XRCC4: variants seen among roughly 807,000 people sequenced by gnomAD.
XRCC4 encodes DNA repair protein XRCC4.
XRCC4 carries 28 observed loss-of-function variants against 39.1 expected under a neutral mutation model. The observed-to-expected ratio is 0.72, with a 90% CI of 0.53 to 0.98. The LOEUF is 0.98. Ranked by LOEUF, XRCC4 falls within the 50% of genes least tolerant of loss-of-function variation. XRCC4 has a pLI of 0.00. For missense variants in XRCC4, 350 were observed against 376.4 expected (o/e 0.93, Z 0.58); for synonymous variants, 123 against 126.4 (o/e 0.97, Z 0.18).
chr5:83,199,233 A>G (rs2112712977), intron 4 of XRCC4, among the ~76,000 whole-genome samples: 1 of 152,260 alleles, frequency 6.6e-6, no homozygotes, highest in South Asian at 2.1e-4. Flanking sequence ...ATAGCCCGTT[A>G]CAGTGTTTAA....
chr5:83,134,691 G>A (rs1465222709), intron 3 of XRCC4, among the ~76,000 whole-genome samples: 2 of 152,120 alleles, frequency 1.3e-5, no homozygotes, highest in African/African-American at 4.8e-5. Context: ...AACTCACTCG[G>A]GTACCCTTGC....
At chr5:83,321,036 C>A (rs1756055117) in intron 7 of XRCC4, among the ~76,000 whole-genome samples, 1 of 151,994 alleles carries the variant, frequency 6.6e-6, no homozygotes, top group South Asian at 2.1e-4. Flanking sequence ...GTCTGGAACT[C>A]CTGACCCTGT....
intron 1 of XRCC4, among the ~76,000 whole-genome samples, chr5:83,098,026 T>TA (rs1482990020): frequency 1.3e-5 from 2 of 152,078 alleles, no homozygotes; most frequent in African/African-American, 4.8e-5. Context: ...CTTATAGTGT[T>TA]AGAGTAGGAA....
At chr5:83,239,456 GCAAGAGAGCTACAGTGAGCAGGT>G (rs1245477257) in intron 6 of XRCC4, among the ~76,000 whole-genome samples, 3 of 152,226 alleles carry the variant, frequency 2.0e-5, no homozygotes, top group Admixed American at 6.5e-5. Context: ...TAAGGAGTGA[GCAAGAGAGCTACAGTGAGCAGGT>G]CAAGAGGGCA....
At chr5:83,219,702 A>G (rs1162610283) in intron 6 of XRCC4, among the ~76,000 whole-genome samples, 1 of 152,198 alleles carries the variant, frequency 6.6e-6, no homozygotes, top group African/African-American at 2.4e-5. Context: ...GTAAATGTAT[A>G]CTACACACTG....
At chr5:83,129,217 A>G (rs1290660221) in intron 3 of XRCC4, among the ~76,000 whole-genome samples, 1 of 143,308 alleles carries the variant, frequency 7.0e-6, no homozygotes, top group East Asian at 2.0e-4. Flanking sequence ...TCCCAGCACC[A>G]TTTATTAAAT....
At chr5:83,152,240 T>C (rs1047313059) in intron 3 of XRCC4, among the ~76,000 whole-genome samples, 5 of 152,272 alleles carry the variant, frequency 3.3e-5, no homozygotes, top group African/African-American at 1.2e-4. Context: ...GCCAAACTTT[T>C]TTAAATTAGT....
At chr5:83,178,246 A>G (rs1022245815) in intron 3 of XRCC4, among the ~76,000 whole-genome samples, 9 of 152,102 alleles carry the variant, frequency 5.9e-5, no homozygotes, top group Admixed American at 2.0e-4. Flanking sequence ...GCGACATTCA[A>G]TTGGAGACAG....
intron 7 of XRCC4, among the ~76,000 whole-genome samples, 161 bp from the exon 8 acceptor site, chr5:83,352,968 CTT>C (rs1757122765): frequency 6.6e-6 from 1 of 152,162 alleles, no homozygotes; most frequent in Admixed American, 6.5e-5. Context: ...AAATTAGTCT[CTT>C]TATCTCTTTC....
intron 3 of XRCC4, among the ~76,000 whole-genome samples, chr5:83,128,837 G>A (rs1747409990): frequency 1.3e-5 from 2 of 152,020 alleles, no homozygotes; most frequent in South Asian, 4.1e-4. Flanking sequence ...TTTTTTTCTT[G>A]TAAATCTGTT....
chr5:83,307,533 G>T (rs951353140), intron 7 of XRCC4, among the ~76,000 whole-genome samples: 1 of 152,152 alleles, frequency 6.6e-6, no homozygotes, highest in Non-Finnish European at 1.5e-5. Flanking sequence ...TAAGAGACTC[G>T]TAAGCAGAGT....
intron 7 of XRCC4, among the ~76,000 whole-genome samples, chr5:83,284,207 A>C (rs1293421790): frequency 1.3e-5 from 2 of 151,830 alleles, no homozygotes; most frequent in African/African-American, 2.4e-5. Context: ...TTTGTAGAGC[A>C]CTCTTTTCAT....
intron 3 of XRCC4, among the ~76,000 whole-genome samples, chr5:83,194,805 C>G (rs937824604): frequency 2.0e-5 from 3 of 152,120 alleles, no homozygotes; most frequent in African/African-American, 7.2e-5. Flanking sequence ...AGAAACAGCA[C>G]AACAGCATAG....
At chr5:83,334,242 A>G (rs889489897) in intron 7 of XRCC4, among the ~76,000 whole-genome samples, 1 of 152,178 alleles carries the variant, frequency 6.6e-6, no homozygotes, top group Non-Finnish European at 1.5e-5. Flanking sequence ...GTGAAAAAGC[A>G]TATATGCTAC....
Position 83,105,053 on chromosome 5 carries a change from G to C in XRCC4, c.134G>C (p.Gly45Ala), listed in dbSNP as rs1460004120. The change falls in exon 2 of 8, where the codon GGG becomes GCG. Residue 45 changes from glycine (G) to alanine (A), a missense_variant. Physicochemically the swap from Gly to Ala is moderately conservative, Grantham distance 60 (BLOSUM62 0). Coordinates refer to ENST00000396027, the MANE Select transcript of XRCC4 (RefSeq NM_003401.5). ...ACTGATGGTCATTCAGCATGGACTG[G>C]GACAGGTAATACTAAAAACAAAGTT... Reference protein sequence around the residue: ...TLTDGHSAWTGTVSESEISQE... With the variant: ...TLTDGHSAWTATVSESEISQE... 9.3e-6 allele frequency: 15 copies of C among 1,607,084 alleles called. No individual in the cohort carries two copies. Among genetic ancestry groups the C allele is most frequent in the Non-Finnish European group, 1.0e-5 (12 of 1,177,972 alleles).
Position 83,159,847 on chromosome 5 carries a change from A to C in XRCC4, c.316-35923A>C, listed in dbSNP as rs540954713. 2.6e-5 allele frequency among the ~76,000 whole-genome samples: 4 copies of C among 152,292 alleles called. No individual in the cohort carries two copies. The East Asian group carries it at 7.7e-4, about 29-fold the overall frequency. On this transcript the variant is annotated intron_variant, in intron 3 of 7. Coordinates refer to ENST00000396027, the MANE Select transcript of XRCC4 (RefSeq NM_003401.5). ...AAGATTTTACCTGTAGTCTATGGAC[A>C]CCTGACAGGATAAAAGAATACATTC...
intron 6 of XRCC4, among the ~76,000 whole-genome samples, chr5:83,218,062 T>TTATATATATATATA (rs560667796): frequency 0.019 from 2,845 of 147,474 alleles, 50 homozygotes; most frequent in East Asian, 0.073. Context: ...TTTACCTTTT[T>TTATATATATATATA]TATATATATA....
intron 6 of XRCC4, among the ~76,000 whole-genome samples, chr5:83,240,990 C>T (rs986059471): frequency 3.3e-5 from 5 of 152,116 alleles, no homozygotes; most frequent in Non-Finnish European, 7.3e-5. Context: ...AATCCCAGCA[C>T]TTTGTGAGGC....
At chr5:83,157,538 G>C (rs1274682480) in intron 3 of XRCC4, among the ~76,000 whole-genome samples, 1 of 152,018 alleles carries the variant, frequency 6.6e-6, no homozygotes, top group Non-Finnish European at 1.5e-5. Flanking sequence ...GAGACCTTGA[G>C]AGAACAGAAT....
Sources: gnomAD v4.1 joint callset for allele counts (sites outside exome capture counted in the v4.1 genomes callset) on GRCh38, gnomAD v4.1.1 for gene constraint, MANE v1.5 for transcripts, NCBI Gene and HGNC (gene_info 2026-07-23, HGNC 2026-07-21) for gene names.